MYH4: variants seen among roughly 807,000 people sequenced by gnomAD.
MYH4 encodes myosin-4.
MYH4 carries 200 observed loss-of-function variants against 229.9 expected under a neutral mutation model. That is an observed-to-expected ratio of 0.87 (90% confidence interval 0.78 to 0.98). The LOEUF is 0.98. MYH4 is among the 50% of genes least tolerant of loss of function. MYH4 has a pLI of 0.00. For missense variants in MYH4, 2,148 were observed against 2,332.6 expected (o/e 0.92, Z 1.63); for synonymous variants, 761 against 834.6 (o/e 0.91, Z 1.52).
chr17:10,444,686 C>CG lies in MYH4; in HGVS notation c.5584dup (p.Arg1862ProfsTer26). 1.2e-6 allele frequency: 2 copies of CG among 1,613,808 alleles called. No homozygotes were observed. Among genetic ancestry groups the CG allele is most frequent in the Non-Finnish European group, 1.7e-6 (2 of 1,179,914 alleles). ...GTCCTGCAGCCTGAGAATATTCTTGCGGTCCTCCTCAGTCTGAAAGAGGTG... is the reference window on the plus strand; with the variant it reads ...GTCCTGCAGCCTGAGAATATTCTTGCGGGTCCTCCTCAGTCTGAAAGAGGTG... On this transcript the variant is annotated frameshift_variant, in exon 39 of 40. Transcript: ENST00000255381. LOFTEE classifies it high-confidence loss of function.
chr17:10,466,353 C>T lies in MYH4; in HGVS notation c.268G>A (p.Asp90Asn), dbSNP rs1176095706. Reference protein sequence around the residue: ...MNPPKYDKIEDMAMMTHLHEP... With the variant: ...MNPPKYDKIENMAMMTHLHEP... ...TGCAGGTGAGTCATCATGGCCATGT[C>T]CTCGATCTTGTCATATTTGGGAGGG... The change falls in exon 4 of 40, where the codon GAC (aspartate) becomes AAC (asparagine). Residue 90 changes from aspartate (D) to asparagine (N), a missense_variant. Physicochemically the swap from Asp to Asn is conservative, Grantham distance 23. Coordinates refer to ENST00000255381, the MANE Select transcript of MYH4 (RefSeq NM_017533.2). The T allele has an allele frequency of 1.2e-5, 20 of 1,614,108 alleles. No homozygotes were observed. Among genetic ancestry groups the T allele is most frequent in the Non-Finnish European group, 1.6e-5 (19 of 1,180,014 alleles).
chr17:10,458,941 C>T (rs1024469559), intron 15 of MYH4, among the ~76,000 whole-genome samples: 7 of 152,126 alleles, frequency 4.6e-5, no homozygotes, highest in African/African-American at 1.7e-4. Context: ...TTACACAACC[C>T]AGAGGAATAG....
chr17:10,463,182 A>C lies in MYH4; in HGVS notation c.812T>G (p.Leu271Arg). The C allele has an allele frequency of 6.2e-7, 1 of 1,612,478 alleles. No individual in the cohort carries two copies. Among genetic ancestry groups the C allele is most frequent in the Non-Finnish European group, 8.5e-7 (1 of 1,178,902 alleles). Residue 271 changes from leucine to arginine, a missense_variant, in exon 10 of 40, where the codon CTA (leucine) becomes CGA (arginine). Coordinates refer to ENST00000255381, the MANE Select transcript of MYH4 (RefSeq NM_017533.2). The stretch of plus-strand genomic sequence containing the variant: ...CTGAAAAGTAACTCGGGACTTCTCT[A>C]GCAGATCTGGAAGTCAGATTAAGCT... Reference protein sequence around the residue: ...LASADIETYLLEKSRVTFQLK... With the variant: ...LASADIETYLREKSRVTFQLK...
intron 4 of MYH4, among the ~76,000 whole-genome samples, 185 bp downstream of exon 4, chr17:10,466,088 A>G (rs1010253645): frequency 2.6e-5 from 4 of 152,318 alleles, no homozygotes; most frequent in African/African-American, 2.4e-5. Flanking sequence ...TTTTCAACTA[A>G]TTCAGTTAAG....
intron 39 of MYH4, 53 bp downstream of exon 39, chr17:10,444,551 A>G: frequency 6.9e-7 from 1 of 1,458,678 alleles, no homozygotes; most frequent in Non-Finnish European, 9.5e-7. Flanking sequence ...TTTAGGCCCC[A>G]AAAAACCTGG....
chr17:10,467,650 T>C (rs1165517403), intron 2 of MYH4, among the ~76,000 whole-genome samples: 1 of 152,232 alleles, frequency 6.6e-6, no homozygotes, highest in African/African-American at 2.4e-5. Flanking sequence ...TAAAATCTGA[T>C]TCTTATTTTC....
intron 35 of MYH4, 106 bp downstream of exon 35, chr17:10,446,907 C>A: frequency 8.4e-7 from 1 of 1,183,688 alleles, no homozygotes; most frequent in Admixed American, 2.2e-5. Flanking sequence ...TTCCAGAGCT[C>A]CAGGAAGGGA....
intron 15 of MYH4, 74 bp from the exon 16 acceptor site, chr17:10,457,803 T>A: frequency 6.7e-7 from 1 of 1,499,044 alleles, no homozygotes; most frequent in South Asian, 1.3e-5. Flanking sequence ...GATGGAAAAC[T>A]GAAAATACAA....
intron 14 of MYH4, 143 bp from the exon 15 acceptor site, chr17:10,459,564 A>G: frequency 7.1e-7 from 1 of 1,413,468 alleles, no homozygotes; most frequent in South Asian, 1.4e-5. Context: ...ATATAGTTCT[A>G]AACAAAGTAG....
chr17:10,451,541 G>T, intron 27 of MYH4, 89 bp from the exon 28 acceptor site: 1 of 1,388,732 alleles, frequency 7.2e-7, no homozygotes, highest in Non-Finnish European at 9.7e-7. Context: ...TGTGGAAAGG[G>T]GCTGATTTTT....
At chr17:10,446,911 G>A (rs2072517490) in intron 35 of MYH4, 102 bp downstream of exon 35, 3 of 1,227,512 alleles carry the variant, frequency 2.4e-6, no homozygotes, top group Non-Finnish European at 3.4e-6. Flanking sequence ...AGAGCTCCAG[G>A]AAGGGACGAA....
chr17:10,443,272 G>T, downstream of MYH4: 1 of 1,253,904 alleles, frequency 8.0e-7, no homozygotes, highest in Non-Finnish European at 1.1e-6. This position sits in a 1 kb window ranked among gnomAD's most constrained non-coding sequence, Gnocchi z 4.6. Flanking sequence ...ATTTTTAGAT[G>T]CAAAATTATC....
chr17:10,468,061 C>T (rs1159194972), intron 2 of MYH4, among the ~76,000 whole-genome samples: 1 of 152,210 alleles, frequency 6.6e-6, no homozygotes, highest in Admixed American at 6.5e-5. Context: ...TCAGTCTTAT[C>T]TGTAAAAGTG....
chr17:10,449,073 C>G (rs1567699282), intron 30 of MYH4, 26 bp from the exon 31 acceptor site: 1 of 1,609,460 alleles, frequency 6.2e-7, no homozygotes, highest in Non-Finnish European at 8.5e-7. Context: ...GTATGAGTGA[C>G]CAAGAGCAGA....
At chr17:10,461,939 T>C (rs1418485187) in intron 11 of MYH4, among the ~76,000 whole-genome samples, 1 of 152,170 alleles carries the variant, frequency 6.6e-6, no homozygotes, top group African/African-American at 2.4e-5. Context: ...ATTACGGAAG[T>C]CTTAGAGCAA....
chr17:10,449,786 C>T (rs527329793), intron 30 of MYH4, among the ~76,000 whole-genome samples: 9 of 152,134 alleles, frequency 5.9e-5, no homozygotes, highest in Non-Finnish European at 1.2e-4. Context: ...AATTCATGAC[C>T]TTTCCCAGCC....
chr17:10,444,427 C>T (rs1330938541), intron 39 of MYH4, among the ~76,000 whole-genome samples, 177 bp downstream of exon 39: 1 of 152,152 alleles, frequency 6.6e-6, no homozygotes, highest in African/African-American at 2.4e-5. Context: ...AAGAAATAAA[C>T]TCAAATCTAT....
rs1306043000 is a variant in MYH4, at chr17:10,453,220, G to T, written c.3043C>A (p.Gln1015Lys). 15 of 1,613,880 alleles carry T rather than the reference G, an allele frequency of 9.3e-6. No homozygotes were observed. The highest frequency in any genetic ancestry group is 1.3e-5 in the African/African-American group (1 of 74,858). ...EAHQQTLDDL[Q>K]MEEDKVNTLT... ...GTGTTGACTTTGTCCTCCTCCATCT[G>T]CAGGTCATCCAGGGTCTGCTGGTGG... Residue 1015 changes from glutamine to lysine, a missense_variant, in exon 24 of 40, where the codon CAG (glutamine) becomes AAG (lysine). By Grantham distance (53) the Gln-to-Lys change is moderately conservative. Transcript: ENST00000255381.
intron 22 of MYH4, 148 bp from the exon 23 acceptor site, chr17:10,454,033 T>A: frequency 9.1e-7 from 1 of 1,098,858 alleles, no homozygotes; most frequent in Non-Finnish European, 1.3e-6. Flanking sequence ...GACAAAATGT[T>A]AATACTGTTA....
Sources: allele counts gnomAD v4.1 joint callset (sites outside exome capture counted in the v4.1 genomes callset), GRCh38; gene constraint gnomAD v4.1.1; non-coding constraint Gnocchi (gnomAD v3.1); transcripts MANE v1.5; gene names NCBI Gene and HGNC (gene_info 2026-07-23, HGNC 2026-07-21).